Variants in RSPH14 observed in about 807,000 individuals in gnomAD.
RSPH14 encodes the protein rhabdoid tumor deletion region gene 1.
Under a neutral mutation model 26.7 loss-of-function variants are expected in RSPH14, and 20 were observed. The ratio of observed to expected loss-of-function variants is 0.75; its 90% confidence interval spans 0.53 to 1.09. The LOEUF is 1.09. Among genes scored for constraint, RSPH14 ranks in the 50% least tolerant of loss-of-function variants. The probability of loss-of-function intolerance (pLI) is 0.00; values close to 1 mark genes in which losing one functional copy is unlikely to be tolerated. For missense variants in RSPH14, 449 were observed against 457.2 expected (o/e 0.98, Z 0.16); for synonymous variants, 177 against 189.3 (o/e 0.93, Z 0.53).
the RSPH14 span, among the ~76,000 whole-genome samples, chr22:23,170,824 C>CATAT: frequency 2.5e-4 from 38 of 150,424 alleles, no homozygotes; most frequent in African/African-American, 5.9e-4. Context: ...GTTAGAATTT[C>CATAT]ATATATATAT....
the RSPH14 span, among the ~76,000 whole-genome samples, chr22:23,159,948 G>A: frequency 5.3e-5 from 8 of 152,326 alleles, no homozygotes; most frequent in East Asian, 1.5e-3. Context: ...AATTACAAAA[G>A]CCAGGTGTAT....
At chr22:23,059,741 G>A (rs200636786) in intron 6 of RSPH14, 23 bp from the exon 7 acceptor site, 42 of 1,501,446 alleles carry the variant, frequency 2.8e-5, no homozygotes, top group African/African-American at 1.8e-4. Flanking sequence ...AACACAAGGC[G>A]TTCCAAACAG....
chr22:23,094,087 T>A (rs1601788634), intron 4 of RSPH14, among the ~76,000 whole-genome samples: 1 of 151,990 alleles, frequency 6.6e-6, no homozygotes. Context: ...GCTGTTGGGG[T>A]CTCTCTGCCT....
At chr22:23,086,885 A>C (rs2068834287) in intron 4 of RSPH14, among the ~76,000 whole-genome samples, 1 of 152,198 alleles carries the variant, frequency 6.6e-6, no homozygotes, top group Non-Finnish European at 1.5e-5. Context: ...GCTGCCACCG[A>C]GGAGGCCCCT....
intron 4 of RSPH14, among the ~76,000 whole-genome samples, chr22:23,078,487 C>A (rs1313538521): frequency 6.7e-6 from 1 of 148,588 alleles, no homozygotes; most frequent in Non-Finnish European, 1.5e-5. Flanking sequence ...ACTGACACCC[C>A]CATCTCTGTC....
At chr22:23,125,243 C>T (rs1373892643) in intron 4 of RSPH14, among the ~76,000 whole-genome samples, 2 of 152,156 alleles carry the variant, frequency 1.3e-5, no homozygotes, top group African/African-American at 4.8e-5. Context: ...GGGAAACCTG[C>T]CAGGTCCATG....
At chr22:23,115,548 G>A (rs1452986627) in intron 4 of RSPH14, among the ~76,000 whole-genome samples, 1 of 152,138 alleles carries the variant, frequency 6.6e-6, no homozygotes, top group Non-Finnish European at 1.5e-5. Flanking sequence ...GGAGCGAGGA[G>A]GAGGCCCAGA....
At chr22:23,076,985 A>T (rs1460013166) in intron 4 of RSPH14, among the ~76,000 whole-genome samples, 2 of 152,146 alleles carry the variant, frequency 1.3e-5, no homozygotes, top group African/African-American at 4.8e-5. Flanking sequence ...AAGTGTACAG[A>T]TAGTTTCCTT....
At chr22:23,070,351 ACTGGCGG>A (rs2068319027) in intron 4 of RSPH14, 1 of 88,370 alleles carries the variant, frequency 1.1e-5, no homozygotes, top group South Asian at 5.0e-4. Context: ...GGACCCGCGG[ACTGGCGG>A]CGGGCGGCGG....
At chr22:23,146,871 A>G (rs886441460), upstream of RSPH14, among the ~76,000 whole-genome samples, 2 of 152,196 alleles carry the variant, frequency 1.3e-5, no homozygotes, top group Non-Finnish European at 1.5e-5. Context: ...TAATGGTGAC[A>G]CTGGGCAGCA....
intron 4 of RSPH14, among the ~76,000 whole-genome samples, chr22:23,099,769 G>A (rs1281420061): frequency 6.6e-6 from 1 of 152,220 alleles, no homozygotes; most frequent in Non-Finnish European, 1.5e-5. Context: ...CCCTAGGAGG[G>A]AAAGGCAAAG....
chr22:23,129,118 C>A (rs2070248741), intron 4 of RSPH14, among the ~76,000 whole-genome samples: 1 of 152,114 alleles, frequency 6.6e-6, no homozygotes, highest in Non-Finnish European at 1.5e-5. Flanking sequence ...CCCCCCAGGC[C>A]CCCCACCCAG....
intron 4 of RSPH14, among the ~76,000 whole-genome samples, chr22:23,130,554 GAA>G (rs1271066859): frequency 4.0e-5 from 6 of 151,438 alleles, no homozygotes; most frequent in African/African-American, 1.5e-4. Flanking sequence ...AAGAAGGAAA[GAA>G]AGACTGCTGC....
chr22:23,101,880 G>C (rs739362), intron 4 of RSPH14, among the ~76,000 whole-genome samples: 37,016 of 152,138 alleles, frequency 0.24, 4,770 homozygotes, highest in East Asian at 0.35. Context: ...ATGGCACCTC[G>C]CATGGCAGGC....
At chr22:23,094,400 GC>G (rs140419556) in intron 4 of RSPH14, among the ~76,000 whole-genome samples, 1,899 of 152,240 alleles carry the variant, frequency 0.012, 19 homozygotes, top group Middle Eastern at 0.027. Context: ...GGATGGGGAG[GC>G]CCTGACTCGC....
chr22:23,059,681 C>T lies in RSPH14; in HGVS notation c.828G>A (p.Leu276=), dbSNP rs907545211. 6.4e-7 allele frequency: 1 copy of T among 1,567,396 alleles called. No individual in the cohort carries two copies. The change falls in exon 7 of 7, where the codon CTG becomes CTA. Residue 276 remains leucine (L), a synonymous_variant. Coordinates refer to ENST00000216036, the MANE Select transcript of RSPH14 (RefSeq NM_014433.3). The part of the protein sequence containing the change: ...YAALEAQAIG[L]LLELLHSPMT... ...TGGGGGAGTGCAGCAGCTCCAGGAGCAGGCCGATGGCTTGTGCCTCCAGGG... is the reference window on the plus strand; with the variant it reads ...TGGGGGAGTGCAGCAGCTCCAGGAGTAGGCCGATGGCTTGTGCCTCCAGGG...
chr22:23,137,714 C>T (rs902419528), intron 3 of RSPH14: 3 of 369,474 alleles, frequency 8.1e-6, no homozygotes, highest in Non-Finnish European at 1.5e-5. Flanking sequence ...GGCAGTGGCC[C>T]CCTTTATCCG....
At chr22:23,167,377 T>C in the RSPH14 span, among the ~76,000 whole-genome samples, 2 of 152,336 alleles carry the variant, frequency 1.3e-5, no homozygotes, top group South Asian at 4.1e-4. Context: ...CAGCCATGGT[T>C]GACAGAGGCT....
intron 4 of RSPH14, among the ~76,000 whole-genome samples, chr22:23,090,246 C>T (rs934287594): frequency 7.9e-5 from 12 of 152,114 alleles, no homozygotes; most frequent in African/African-American, 2.2e-4. Flanking sequence ...AGAGCAGCCC[C>T]TGCTTCAGCC....
Sources: allele counts gnomAD v4.1 joint callset (sites outside exome capture counted in the v4.1 genomes callset), GRCh38; gene constraint gnomAD v4.1.1; transcripts MANE v1.5; gene names NCBI Gene and HGNC (gene_info 2026-07-23, HGNC 2026-07-21).